SURF4: variants seen among roughly 807,000 people sequenced by gnomAD.
SURF4 encodes surfeit 4, also known as surfeit locus protein 4.
In SURF4, 3 loss-of-function variants were observed where a neutral mutation model predicts 30.0. The ratio of observed to expected loss-of-function variants is 0.10; its 90% CI spans 0.05 to 0.26. The LOEUF (loss-of-function observed/expected upper bound fraction) is 0.26. Ranked by LOEUF, SURF4 falls within the 10% of genes least tolerant of loss-of-function variation. SURF4 has a pLI of 1.00. For missense variants in SURF4, 217 were observed against 350.8 expected, an observed-to-expected ratio of 0.62 and a Z score of 3.05; for synonymous variants, 143 against 139.9, an observed-to-expected ratio of 1.02 and a Z score of -0.16.
chr9:133,376,516 G>T, upstream of SURF4: 2 of 1,601,730 alleles, frequency 1.2e-6, no homozygotes, highest in Non-Finnish European at 1.7e-6. Flanking sequence ...CACGCAGGGG[G>T]AGCGAGGCCC....
intron 1 of SURF4, among the ~76,000 whole-genome samples, chr9:133,373,327 G>A (rs1042069224): frequency 4.6e-5 from 7 of 152,184 alleles, no homozygotes; most frequent in South Asian, 2.1e-4. Flanking sequence ...GGCTGGGCGC[G>A]GTGGCTCAGG....
chr9:133,365,346 G>A (rs150472751), intron 4 of SURF4, among the ~76,000 whole-genome samples: 136 of 152,288 alleles, frequency 8.9e-4, no homozygotes, highest in African/African-American at 2.7e-3. Flanking sequence ...GGTCAGGTCT[G>A]TCCTCCACTC....
upstream of SURF4, among the ~76,000 whole-genome samples, chr9:133,377,741 G>T (rs1838027869): frequency 6.6e-6 from 1 of 152,158 alleles, no homozygotes; most frequent in African/African-American, 2.4e-5. Flanking sequence ...TTTTTCCACA[G>T]ATGGAGGCGG....
upstream of SURF4, chr9:133,376,428 G>A (rs2130247427): frequency 2.6e-6 from 4 of 1,510,626 alleles, no homozygotes; most frequent in Non-Finnish European, 2.7e-6. Flanking sequence ...CCCACGCGGG[G>A]TGGGGCCAGG....
rs1837905130 is a variant in SURF4, at chr9:133,376,030, G to GCCCGCA, written c.-67_-62dup. The GCCCGCA allele has an allele frequency of 8.2e-7, 1 of 1,214,836 alleles. No homozygotes were observed. The highest frequency in any genetic ancestry group is 1.0e-6 in the Non-Finnish European group (1 of 976,030). 75.3% of individuals were successfully genotyped at this position (1,214,836 alleles called of 1,614,324 possible). ...CGCTCGCTGGCTCTCGCCCGTCGGC[G>GCCCGCA]CCCGCACCCGCTGCGGCCTCCACAG... On this transcript the variant is annotated 5_prime_UTR_variant, in exon 1 of 6. Coordinates refer to ENST00000371989, the MANE Select transcript of SURF4 (RefSeq NM_033161.4).
At position 133,363,011 on chromosome 9, in the gene SURF4, A is replaced by G. The variant is rs1192552923; in HGVS notation, c.*482T>C. 3.9e-6 allele frequency: 1 copy of G among 255,598 alleles called. No homozygotes were observed. Among genetic ancestry groups the G allele is most frequent in the African/African-American group, 2.3e-5 (1 of 44,104 alleles). The allele number at this position is 255,598 out of a possible 1,614,324, so 15.8% of individuals were successfully genotyped here. A position where few individuals can be genotyped will look rare whatever the true frequency, so the allele number is the denominator to read the frequency against. The stretch of plus-strand genomic sequence containing the variant: ...AAACAACATCAAAGCCACTGGTGTG[A>G]TTTTAAACCAGGGAGATTAACTGTT... On this transcript the variant is annotated 3_prime_UTR_variant, in exon 6 of 6. Transcript: ENST00000371989. This position sits in a 1 kb window ranked among gnomAD's most constrained non-coding sequence, Gnocchi z 4.3.
Position 133,365,635 on chromosome 9 carries a change from G to A in SURF4, c.356+350C>T, listed in dbSNP as rs2130118923. Among the ~76,000 whole-genome samples, 4 of 152,366 alleles carry A rather than the reference G, an allele frequency of 2.6e-5. No homozygotes were observed. The East Asian group carries it at 7.7e-4, about 29-fold the overall frequency. On this transcript the variant is annotated intron_variant, in intron 4 of 5. Transcript: ENST00000371989. ...GTTTTAAGAAAGTTTTTGAGTTTGT[G>A]TTGGGCCATGTTCACCCCGTGGACC...
chr9:133,375,118 A>G, intron 1 of SURF4: 1 of 669,552 alleles, frequency 1.5e-6, no homozygotes, highest in Middle Eastern at 7.6e-4. Flanking sequence ...ATCAAGAAAG[A>G]GGGAAGGGAG....
chr9:133,374,031 T>C (rs1247065228), intron 1 of SURF4, among the ~76,000 whole-genome samples: 2 of 151,918 alleles, frequency 1.3e-5, no homozygotes, highest in African/African-American at 4.8e-5. Flanking sequence ...CTGGAGACAT[T>C]TGATCTAGAT....
intron 1 of SURF4, among the ~76,000 whole-genome samples, chr9:133,371,842 G>C (rs1837527046): frequency 6.6e-6 from 1 of 152,126 alleles, no homozygotes; most frequent in Non-Finnish European, 1.5e-5. Context: ...CTTCAACTAG[G>C]GCCGAGGCCA....
chr9:133,364,748 T>A, intron 5 of SURF4, 92 bp downstream of exon 5: 4 of 1,156,498 alleles, frequency 3.5e-6, no homozygotes, highest in South Asian at 1.4e-5. Flanking sequence ...CTGTGGTTAA[T>A]ACCCAACCAG....
rs1472089158 is a variant in SURF4, at chr9:133,361,694, AAC to A, written c.*1797_*1798del. On this transcript the variant is annotated 3_prime_UTR_variant, in exon 6 of 6. Coordinates refer to ENST00000371989, the MANE Select transcript of SURF4 (RefSeq NM_033161.4). ...CCCTAGCCCACCCAGGGCCAGGAGA[AAC>A]AGGAACACCCACTAGGACGGAGGCG... 6.5e-6 allele frequency: 1 copy of A among 154,420 alleles called. No homozygotes were observed. The highest frequency in any genetic ancestry group is 1.9e-4 in the East Asian group (1 of 5,234). 9.6% of individuals were successfully genotyped at this position (154,420 alleles called of 1,614,324 possible).
chr9:133,369,723 T>C (rs1266681649), intron 1 of SURF4, among the ~76,000 whole-genome samples: 1 of 152,134 alleles, frequency 6.6e-6, no homozygotes, highest in East Asian at 1.9e-4. Context: ...CCATATTCCA[T>C]GGAAGAGAGA....
intron 1 of SURF4, among the ~76,000 whole-genome samples, chr9:133,368,545 G>C (rs75990619): frequency 1.3e-5 from 2 of 152,184 alleles, no homozygotes; most frequent in African/African-American, 4.8e-5. Context: ...GCATAATCTC[G>C]AGCAAATTAA....
chr9:133,374,798 C>T (rs1837767493), intron 1 of SURF4, among the ~76,000 whole-genome samples: 1 of 152,054 alleles, frequency 6.6e-6, no homozygotes, highest in Non-Finnish European at 1.5e-5. Flanking sequence ...CGGTCACTTA[C>T]TCTTTTCTTT....
chr9:133,371,417 C>A (rs1424394823), intron 1 of SURF4, among the ~76,000 whole-genome samples: 1 of 152,246 alleles, frequency 6.6e-6, no homozygotes, highest in Non-Finnish European at 1.5e-5. Context: ...TCACACTGCA[C>A]CCTGCAGGGC....
At chr9:133,370,902 C>T (rs1837469288) in intron 1 of SURF4, 1 of 1,289,612 alleles carries the variant, frequency 7.8e-7, no homozygotes, top group Admixed American at 2.3e-5. Context: ...CTCATTAAGT[C>T]TCTCCGAGAA....
chr9:133,376,083 G>A, upstream of SURF4: 2 of 1,202,378 alleles, frequency 1.7e-6, no homozygotes, highest in Non-Finnish European at 2.1e-6. Flanking sequence ...GCCTCGCTCC[G>A]CGTCGGCTGC....
intron 2 of SURF4, among the ~76,000 whole-genome samples, chr9:133,366,946 G>A (rs1168892391): frequency 1.3e-5 from 2 of 152,220 alleles, no homozygotes; most frequent in African/African-American, 4.8e-5. Flanking sequence ...CCACCCACCT[G>A]AGGTAGGCAA....
Sources: allele counts gnomAD v4.1 joint callset (sites outside exome capture counted in the v4.1 genomes callset), GRCh38; gene constraint gnomAD v4.1.1; non-coding constraint Gnocchi (gnomAD v3.1); transcripts MANE v1.5; gene names NCBI Gene and HGNC (gene_info 2026-07-23, HGNC 2026-07-21).